DVL1: variants seen among roughly 807,000 people sequenced by gnomAD.
DVL1 encodes dishevelled segment polarity protein 1.
In DVL1, 49 loss-of-function variants were observed where a neutral mutation model predicts 65.0. The ratio of observed to expected loss-of-function variants is 0.75; its 90% CI spans 0.60 to 0.96. DVL1 has a LOEUF of 0.96. DVL1 is among the 40% of genes least tolerant of loss of function. DVL1 has a pLI of 0.00. For missense variants in DVL1, 1,197 were observed against 1,045.4 expected (o/e 1.15, Z -2.00); for synonymous variants, 608 against 433.9 (o/e 1.40, Z -4.99).
chr1:1,341,644 C>T (rs201087043), intron 5 of DVL1, 23 bp downstream of exon 5: 47 of 1,582,188 alleles, frequency 3.0e-5, no homozygotes, highest in Middle Eastern at 1.7e-4. Context: ...CAGGCATACA[C>T]GCCCACAGAC....
chr1:1,336,335 C>T lies in DVL1; in HGVS notation c.1895G>A (p.Ser632Asn), dbSNP rs1322099615. 1 of 1,589,852 alleles carries T rather than the reference C, an allele frequency of 6.3e-7. No homozygotes were observed. Among genetic ancestry groups the T allele is most frequent in the Non-Finnish European group, 8.5e-7 (1 of 1,175,100 alleles). ...CCCCGGGGCGGTAGCCGAGGCCTGA[C>T]TGCGTGGGCTGCTGCCACGGCTGAG... ...GQLSRGSSPR[S>N]QASATAPGLP... The change falls in exon 15 of 15, where the codon AGT becomes AAT. Residue 632 changes from serine to asparagine, a missense_variant. Coordinates refer to ENST00000378888, the MANE Select transcript of DVL1 (RefSeq NM_001330311.2).
At chr1:1,337,815 G>C (rs1208587203) in intron 14 of DVL1, 162 bp downstream of exon 14, 2 of 722,892 alleles carry the variant, frequency 2.8e-6, no homozygotes, top group Admixed American at 2.0e-5. Flanking sequence ...AGGAGCATGG[G>C]ATTGGGGTCA....
In DVL1 at chr1:1,335,884, C is replaced by A. The variant is rs1464033957; in HGVS notation, c.*258G>T. 1.7e-6 allele frequency: 1 copy of A among 572,684 alleles called. No homozygotes were observed. The highest frequency in any genetic ancestry group is 3.1e-6 in the Non-Finnish European group (1 of 322,646). 35.5% of individuals were successfully genotyped at this position (572,684 alleles called of 1,614,324 possible). A position where few individuals can be genotyped will look rare whatever the true frequency, so the allele number is the denominator to read the frequency against. On this transcript the variant is annotated 3_prime_UTR_variant, in exon 15 of 15. Transcript: ENST00000378888. Reference sequence around the variant, plus strand: ...GGGTCTTCCTCATCCCAGGAGGGATCCCCACCAGACACAAGGGGTTGGGAG... The same window carrying A: ...GGGTCTTCCTCATCCCAGGAGGGATACCCACCAGACACAAGGGGTTGGGAG...
intron 6 of DVL1, 32 bp downstream of exon 6, chr1:1,340,378 C>A (rs759707682): frequency 1.2e-6 from 2 of 1,612,574 alleles, no homozygotes; most frequent in East Asian, 2.2e-5. Context: ...CTTCGCCTCC[C>A]CAGCCCCGCC....
At chr1:1,343,892 C>T (rs750072724) in intron 1 of DVL1, among the ~76,000 whole-genome samples, 8 of 152,210 alleles carry the variant, frequency 5.3e-5, no homozygotes, top group Non-Finnish European at 8.8e-5. Context: ...GGAGAGCAAG[C>T]TGGCCAGGTG....
In DVL1 at chr1:1,336,669, C is replaced by G. The variant is rs558075215; in HGVS notation, c.1715-154G>C. The G allele has an allele frequency of 8.9e-6, 6 of 676,864 alleles. No homozygotes were observed. In the African/African-American group the frequency reaches 1.2e-4, roughly 13 times the overall value. The allele number at this position is 676,864 out of a possible 1,614,324, so 41.9% of individuals were successfully genotyped here. On this transcript the variant is annotated intron_variant, in intron 14 of 14. Transcript: ENST00000378888. Reference sequence around the variant, plus strand: ...TGCAGGCGCGAGGACAGGGCCGGCACCCCCAGGGTCGCAGGGGCAGCTGCG... The same window carrying G: ...TGCAGGCGCGAGGACAGGGCCGGCAGCCCCAGGGTCGCAGGGGCAGCTGCG...
rs2100727375 is a variant in DVL1 at position 1,339,595 on chromosome 1, G to T, written c.1041C>A (p.Phe347Leu). Residue 347 changes from phenylalanine to leucine, a missense_variant, in exon 10 of 15, where the codon TTC becomes TTA. By Grantham distance (22) the Phe-to-Leu change is conservative. Coordinates refer to ENST00000378888, the MANE Select transcript of DVL1 (RefSeq NM_001330311.2). ...AGGGCCACTCACCCCGTGGGACGGTGAAGTAGCTTCGGGGCGTTGGGTCCC... is the reference window on the plus strand; with the variant it reads ...AGGGCCACTCACCCCGTGGGACGGTTAAGTAGCTTCGGGGCGTTGGGTCCC... ...KCWDPTPRSY[F>L]TVPRADPVRP... 1 of 1,607,496 alleles carries T rather than the reference G, an allele frequency of 6.2e-7. No homozygotes were observed. Among genetic ancestry groups the T allele is most frequent in the East Asian group, 2.2e-5 (1 of 44,676 alleles).
At chr1:1,342,630 G>A in intron 2 of DVL1, 59 bp downstream of exon 2, 5 of 1,600,544 alleles carry the variant, frequency 3.1e-6, no homozygotes, top group East Asian at 2.2e-5. Context: ...CCCCCAGGAA[G>A]AGCCCCACCC....
rs545740677 is a variant in DVL1 at position 1,336,524 on chromosome 1, G to T, written c.1715-9C>A. 8.0e-5 allele frequency: 120 copies of T among 1,504,400 alleles called. No individual in the cohort carries two copies. In the South Asian group the frequency reaches 1.5e-3, roughly 18 times the overall value. The allele number at this position is 1,504,400 out of a possible 1,614,324, so 93.2% of individuals were successfully genotyped here. The stretch of plus-strand genomic sequence containing the variant: ...CCCACTGCTTTTGCTCCCTGGGAGT[G>T]AGAACAGGATGGGGAAGGAGCCTGT... On this transcript the variant is annotated splice_polypyrimidine_tract_variant and intron_variant, in intron 14 of 14. Coordinates refer to ENST00000378888, the MANE Select transcript of DVL1 (RefSeq NM_001330311.2).
intron 8 of DVL1, 55 bp downstream of exon 8, chr1:1,339,983 G>C: frequency 6.4e-7 from 1 of 1,568,332 alleles, no homozygotes; most frequent in South Asian, 1.1e-5. Context: ...TCACCCCAAA[G>C]TCCCCACGGA....
At chr1:1,336,537 G>A (rs779371053) in intron 14 of DVL1, 22 bp from the exon 15 acceptor site, 3 of 1,490,564 alleles carry the variant, frequency 2.0e-6, no homozygotes, top group Admixed American at 2.3e-5. Context: ...AACAGGATGG[G>A]GAAGGAGCCT....
rs141914568 is a variant in DVL1 at position 1,338,076 on chromosome 1, G to C, written c.1615C>G (p.Pro539Ala). 1 of 1,610,688 alleles carries C rather than the reference G, an allele frequency of 6.2e-7. No homozygotes were observed. Residue 539 changes from proline (P) to alanine (A), a missense_variant, in exon 14 of 15, where the codon CCC becomes GCC. Physicochemically the swap from Pro to Ala is conservative, Grantham distance 27 (BLOSUM62 -1). Coordinates refer to ENST00000378888, the MANE Select transcript of DVL1 (RefSeq NM_001330311.2). ...GGTGGGGGTCCCGGGTACTGGTAGG[G>C]GTAGCCCTGACCCAGAGGCCAGGGG... is the stretch of plus-strand genomic sequence containing the variant. ...AAPWPLGQGY[P>A]YQYPGPPPCF...
At chr1:1,340,590 G>C (rs1643765426) in intron 5 of DVL1, 87 bp from the exon 6 acceptor site, 9 of 1,422,708 alleles carry the variant, frequency 6.3e-6, no homozygotes, top group Non-Finnish European at 2.9e-6. Flanking sequence ...GTGGGAATCG[G>C]GGGTCTAGGC....
At chr1:1,339,962 G>A (rs1295664440) in intron 8 of DVL1, 76 bp downstream of exon 8, 72 of 1,371,802 alleles carry the variant, frequency 5.2e-5, no homozygotes, top group African/African-American at 2.9e-4. Flanking sequence ...AGACCCACCC[G>A]CAGCCGCACG....
chr1:1,341,723 G>A lies in DVL1; in HGVS notation c.549C>T (p.Ser183=). 1 of 1,611,460 alleles carries A rather than the reference G, an allele frequency of 6.2e-7. No homozygotes were observed. Among genetic ancestry groups the A allele is most frequent in the Non-Finnish European group, 8.5e-7 (1 of 1,179,000 alleles). Residue 183 remains serine, a synonymous_variant, in exon 5 of 15, where the codon AGC becomes AGT. Transcript: ENST00000378888. The part of the protein sequence containing the change: ...LPPDSASTAL[S]SELESSSFVD... ...CAAAGCTGCTGGACTCAAGCTCGCT[G>A]CTGAGGGCGGTGGACGCGCTGTCTG... is the stretch of plus-strand genomic sequence containing the variant.
At position 1,343,265 on chromosome 1, in the gene DVL1, C is replaced by T. The variant is rs554318700; in HGVS notation, c.171-507G>A. On this transcript the variant is annotated intron_variant, in intron 1 of 14. Coordinates refer to ENST00000378888, the MANE Select transcript of DVL1 (RefSeq NM_001330311.2). ...TGTTCCTGGGGCTTGGAGCCCCCCC[C>T]CCCCAGGGCTTCCCCCACACTGGGA... Among the ~76,000 whole-genome samples, 3 of 149,714 alleles carry T rather than the reference C, an allele frequency of 2.0e-5. No individual in the cohort carries two copies. In the East Asian group the frequency reaches 5.9e-4, roughly 30 times the overall value.
Position 1,338,081 on chromosome 1 carries a change from C to T in DVL1, c.1610G>A (p.Gly537Asp), listed in dbSNP as rs760842641. The T allele has an allele frequency of 3.1e-5, 50 of 1,610,270 alleles. No individual in the cohort carries two copies. Among genetic ancestry groups the T allele is most frequent in the Non-Finnish European group, 4.2e-5 (50 of 1,178,994 alleles). Residue 537 changes from glycine (G) to aspartate (D), a missense_variant, in exon 14 of 15, where the codon GGC (glycine) becomes GAC (aspartate). Physicochemically the swap from Gly to Asp is moderately conservative, Grantham distance 94. Transcript: ENST00000378888. ...GGGTCCCGGGTACTGGTAGGGGTAG[C>T]CCTGACCCAGAGGCCAGGGGGCAGC... ...HPAAPWPLGQGYPYQYPGPPP... is the reference protein window; with the variant it reads ...HPAAPWPLGQDYPYQYPGPPP...
In DVL1 at chr1:1,338,400, T is replaced by A; in HGVS notation, c.1376A>T (p.Glu459Val). The change falls in exon 13 of 15, where the codon GAG becomes GTG. Residue 459 changes from glutamate to valine, a missense_variant. Physicochemically the swap from Glu to Val is moderately radical, Grantham distance 121 (BLOSUM62 -2). Coordinates refer to ENST00000378888, the MANE Select transcript of DVL1 (RefSeq NM_001330311.2). ...GGCCTCCCGCCGCTCCTTGAAGCCC[T>A]CCACGTGTGTGTACAGCCAGTCCAC... is the stretch of plus-strand genomic sequence containing the variant. ...DVVDWLYTHV[E>V]GFKERREARK... 6.2e-7 allele frequency: 1 copy of A among 1,612,638 alleles called. No individual in the cohort carries two copies. The highest frequency in any genetic ancestry group is 8.5e-7 in the Non-Finnish European group (1 of 1,179,850).
At chr1:1,348,548 C>T (rs1047623582) in intron 1 of DVL1, among the ~76,000 whole-genome samples, 1 of 152,228 alleles carries the variant, frequency 6.6e-6, no homozygotes, top group African/African-American at 2.4e-5. Context: ...TTCCTTCCCA[C>T]TGACACGCCC....
Sources: gnomAD v4.1 joint callset for allele counts (sites outside exome capture counted in the v4.1 genomes callset) on GRCh38, gnomAD v4.1.1 for gene constraint, MANE v1.5 for transcripts, NCBI Gene and HGNC (gene_info 2026-07-23, HGNC 2026-07-21) for gene names.